Variants in DPY19L1 observed in about 807,000 individuals in gnomAD.
The protein encoded by DPY19L1 is dpy-19 like C-mannosyltransferase 1.
Under a neutral mutation model 96.9 loss-of-function variants are expected in DPY19L1, and 35 were observed. The ratio of observed to expected loss-of-function variants is 0.36; its 90% CI spans 0.28 to 0.48. The LOEUF is 0.48. DPY19L1 is among the 20% of genes least tolerant of loss of function. The probability of loss-of-function intolerance (pLI) is 0.99; values close to 1 mark genes in which losing one functional copy is unlikely to be tolerated. For missense variants in DPY19L1, 521 were observed against 777.9 expected, an observed-to-expected ratio of 0.67 and a Z score of 3.93; for synonymous variants, 205 against 252.6, an observed-to-expected ratio of 0.81 and a Z score of 1.79.
chr7:35,016,865 C>T (rs182689691), intron 3 of DPY19L1, among the ~76,000 whole-genome samples: 168 of 152,238 alleles, frequency 1.1e-3, no homozygotes, highest in Non-Finnish European at 1.9e-3. Flanking sequence ...AGCTGGATTT[C>T]TCAACAAACA....
chr7:35,033,175 C>CTAAG (rs1786301440), intron 1 of DPY19L1, among the ~76,000 whole-genome samples: 1 of 152,202 alleles, frequency 6.6e-6, no homozygotes, highest in African/African-American at 2.4e-5. Flanking sequence ...TTTCAACATG[C>CTAAG]TAAGCTCTGT....
rs1349237115 is a variant in DPY19L1, at chr7:34,930,863, A to G, written c.*710T>C. On this transcript the variant is annotated 3_prime_UTR_variant, in exon 22 of 22. Coordinates refer to ENST00000638088, the MANE Select transcript of DPY19L1 (RefSeq NM_001366673.1). ...TGAGTAAACAGTACTTATTTGACAG[A>G]AAATATGGGGAAGAGGAGAAGAGAG... The G allele has an allele frequency of 6.6e-6, 1 of 152,138 alleles. No individual in the cohort carries two copies. The highest frequency in any genetic ancestry group is 1.5e-5 in the Non-Finnish European group (1 of 68,022). 9.4% of individuals were successfully genotyped at this position (152,138 alleles called of 1,614,324 possible).
Position 35,018,583 on chromosome 7 carries a change from T to C in DPY19L1, c.312A>G (p.Ala104=), listed in dbSNP as rs776818351. 45 of 1,610,376 alleles carry C rather than the reference T, an allele frequency of 2.8e-5. No homozygotes were observed. In the East Asian group the frequency reaches 9.4e-4, roughly 34 times the overall value. The part of the protein sequence containing the change: ...WTTLLLAVFA[A]VLHWSHITHL... ...AAAAACAATCTTACCAGTGCAACAC[T>C]GCTGCAAAAACAGCTGTAAGAAAAA... is the stretch of plus-strand genomic sequence containing the variant. The change falls in exon 2 of 22, where the codon GCA becomes GCG. Residue 104 remains alanine, a synonymous_variant. Transcript: ENST00000638088.
At chr7:35,026,618 T>C (rs527619648) in intron 1 of DPY19L1, among the ~76,000 whole-genome samples, 1 of 151,958 alleles carries the variant, frequency 6.6e-6, no homozygotes, top group Non-Finnish European at 1.5e-5. Context: ...TGTCAGAAGG[T>C]CCAATGAGAA....
chr7:35,000,340 A>C (rs1051371524), intron 6 of DPY19L1: 32 of 152,234 alleles, frequency 2.1e-4, no homozygotes, highest in Admixed American at 2.0e-4. Flanking sequence ...TACTGAAATT[A>C]CCAACTACAA....
intron 8 of DPY19L1, among the ~76,000 whole-genome samples, chr7:34,970,369 T>C (rs1312336784): frequency 6.6e-6 from 1 of 152,214 alleles, no homozygotes; most frequent in Non-Finnish European, 1.5e-5. Context: ...ACAAAAGTAC[T>C]TTTAAACTCC....
rs189711607 is a variant in DPY19L1, at chr7:34,934,277, A to T, written c.2091-2548T>A. Reference sequence around the variant, plus strand: ...CGCGCCCGGCCACATCTATCCTATTAGTTCTGTCCCTCTGGAAAACCCTGG... The same window carrying T: ...CGCGCCCGGCCACATCTATCCTATTTGTTCTGTCCCTCTGGAAAACCCTGG... On this transcript the variant is annotated intron_variant, in intron 21 of 21. Transcript: ENST00000638088. Among the ~76,000 whole-genome samples the T allele has an allele frequency of 2.6e-5, 4 of 152,196 alleles. No individual in the cohort carries two copies. In the East Asian group the frequency reaches 7.7e-4, roughly 29 times the overall value.
intron 14 of DPY19L1, among the ~76,000 whole-genome samples, chr7:34,948,264 A>C (rs573577047): frequency 6.6e-6 from 1 of 152,268 alleles, no homozygotes; most frequent in East Asian, 1.9e-4. Context: ...CCACTGTTAA[A>C]ATTTTGCTTT....
chr7:35,036,693 G>A (rs1481925766), intron 1 of DPY19L1, among the ~76,000 whole-genome samples: 1 of 152,100 alleles, frequency 6.6e-6, no homozygotes, highest in Non-Finnish European at 1.5e-5. Flanking sequence ...TGAGCTCCAC[G>A]GAATCGTTTC....
At chr7:34,971,586 T>C (rs1330238321) in intron 8 of DPY19L1, among the ~76,000 whole-genome samples, 3 of 152,166 alleles carry the variant, frequency 2.0e-5, no homozygotes, top group Non-Finnish European at 4.4e-5. Flanking sequence ...CCAACTGGAA[T>C]ATAAACAGAG....
At chr7:35,034,061 T>C (rs938392796) in intron 1 of DPY19L1, among the ~76,000 whole-genome samples, 4 of 152,130 alleles carry the variant, frequency 2.6e-5, no homozygotes, top group East Asian at 1.9e-4. Context: ...ACCCTTGCCA[T>C]TGACCACAGG....
intron 11 of DPY19L1, among the ~76,000 whole-genome samples, chr7:34,956,889 C>A (rs1562805628): frequency 6.6e-6 from 1 of 151,892 alleles, no homozygotes; most frequent in South Asian, 2.1e-4. Flanking sequence ...ATTAAGAAAC[C>A]CCAAATGATC....
chr7:34,935,181 A>G (rs34596634), intron 21 of DPY19L1, among the ~76,000 whole-genome samples: 2,971 of 152,262 alleles, frequency 0.02, 103 homozygotes, highest in African/African-American at 0.067. Flanking sequence ...AGAGTGAGAC[A>G]CACAGAAAGT....
At chr7:35,022,308 G>A (rs62463590) in intron 1 of DPY19L1, among the ~76,000 whole-genome samples, 108 of 152,252 alleles carry the variant, frequency 7.1e-4, no homozygotes, top group Non-Finnish European at 1.3e-3. Flanking sequence ...TAAGAAAAAG[G>A]TGTTCAAGGA....
intron 7 of DPY19L1, among the ~76,000 whole-genome samples, chr7:34,981,476 C>T (rs1355693967): frequency 1.3e-5 from 2 of 152,126 alleles, no homozygotes; most frequent in Admixed American, 6.6e-5. Flanking sequence ...AGTATCATCC[C>T]TCATTTCACC....
intron 19 of DPY19L1, 60 bp downstream of exon 19, chr7:34,940,093 T>C (rs1783965641): frequency 7.1e-7 from 1 of 1,408,974 alleles, no homozygotes; most frequent in Non-Finnish European, 9.3e-7. Flanking sequence ...CAGTGGTATA[T>C]AAAATTGTGG....
intron 10 of DPY19L1, among the ~76,000 whole-genome samples, chr7:34,963,193 CAAAAA>C (rs58387078): frequency 1.3e-5 from 1 of 78,792 alleles, no homozygotes; most frequent in Non-Finnish European, 2.3e-5. Flanking sequence ...AGATCTGTCT[CAAAAA>C]AAAAAAAAAA....
intron 6 of DPY19L1, among the ~76,000 whole-genome samples, chr7:34,994,165 A>T (rs1293129674): frequency 6.6e-6 from 1 of 152,212 alleles, no homozygotes; most frequent in Non-Finnish European, 1.5e-5. Context: ...TCACAGTAGA[A>T]AATTTTAATT....
intron 10 of DPY19L1, among the ~76,000 whole-genome samples, chr7:34,960,956 C>T (rs1784488532): frequency 6.6e-6 from 1 of 152,100 alleles, no homozygotes; most frequent in Non-Finnish European, 1.5e-5. Context: ...CACTTAGATA[C>T]AAATTTAACT....
Sources: gnomAD v4.1 joint callset for allele counts (sites outside exome capture counted in the v4.1 genomes callset) on GRCh38, gnomAD v4.1.1 for gene constraint, MANE v1.5 for transcripts, NCBI Gene and HGNC (gene_info 2026-07-23, HGNC 2026-07-21) for gene names.